GPC6: variants seen among roughly 807,000 people sequenced by gnomAD.
The protein encoded by GPC6 is glypican 6.
In GPC6, 14 loss-of-function variants were observed where a neutral mutation model predicts 55.2. The ratio of observed to expected loss-of-function variants is 0.25; its 90% confidence interval spans 0.17 to 0.40. The LOEUF is 0.40. Among genes scored for constraint, GPC6 ranks in the 10% least tolerant of loss-of-function variants. The pLI is 1.00. For missense variants in GPC6, 641 were observed against 708.5 expected (o/e 0.90, Z 1.08); for synonymous variants, 278 against 259.6 (o/e 1.07, Z -0.68).
chr13:93,395,074 G>A, intron 1 of GPC6: 1 of 263,482 alleles, frequency 3.8e-6, no homozygotes, highest in Non-Finnish European at 7.6e-6. Flanking sequence ...TGTTGTAATT[G>A]CCAAAATCAT....
At chr13:93,432,485 T>G (rs1312924116) in intron 1 of GPC6, among the ~76,000 whole-genome samples, 1 of 151,856 alleles carries the variant, frequency 6.6e-6, no homozygotes, top group Admixed American at 6.6e-5. Flanking sequence ...TGAAGTGGAG[T>G]CTGGTGGTTT....
chr13:93,510,682 G>A (rs866089055), intron 1 of GPC6, among the ~76,000 whole-genome samples: 3 of 151,792 alleles, frequency 2.0e-5, no homozygotes, highest in Admixed American at 6.6e-5. Flanking sequence ...CCAGTAGTGG[G>A]ATTCCTGGAT....
At chr13:93,350,928 C>T (rs1048549846) in intron 1 of GPC6, among the ~76,000 whole-genome samples, 1 of 152,028 alleles carries the variant, frequency 6.6e-6, no homozygotes, top group Non-Finnish European at 1.5e-5. Flanking sequence ...GAGTCACACA[C>T]ACATACACAC....
chr13:94,330,407 G>T (rs771020213), intron 6 of GPC6, among the ~76,000 whole-genome samples: 2 of 152,070 alleles, frequency 1.3e-5, no homozygotes, highest in Non-Finnish European at 2.9e-5. Flanking sequence ...CTGATGCCTG[G>T]GCCTCGTATT....
intron 1 of GPC6, among the ~76,000 whole-genome samples, chr13:93,376,491 G>A (rs922909309): frequency 6.6e-6 from 1 of 152,266 alleles, no homozygotes; most frequent in Admixed American, 6.5e-5. Context: ...TCAGTGGATA[G>A]TATCACAATT....
intron 4 of GPC6, among the ~76,000 whole-genome samples, chr13:94,141,891 G>T (rs1281610853): frequency 6.6e-6 from 1 of 152,122 alleles, no homozygotes; most frequent in Non-Finnish European, 1.5e-5. Flanking sequence ...TCTGGTGCAG[G>T]TTTTAAATTG....
rs1235696269 is a variant in GPC6, at chr13:94,037,831, ACTGT to A, written c.877+9940_877+9943del. The stretch of plus-strand genomic sequence containing the variant: ...AAATTGAGAATCTGATATTGCCAGC[ACTGT>A]CTAATAGAATTTTCTGTGATGATGG... On this transcript the variant is annotated intron_variant, in intron 4 of 8. Transcript: ENST00000377047. Among the ~76,000 whole-genome samples the A allele has an allele frequency of 7.9e-5, 12 of 152,120 alleles. No homozygotes were observed. The South Asian group carries it at 2.3e-3, about 29-fold the overall frequency.
intron 5 of GPC6, among the ~76,000 whole-genome samples, chr13:94,300,785 C>T (rs896734363): frequency 2.6e-5 from 4 of 152,098 alleles, no homozygotes; most frequent in African/African-American, 7.2e-5. Flanking sequence ...AGGGGTAGAG[C>T]GAATGATTTG....
chr13:93,359,286 A>T (rs933604825), intron 1 of GPC6, among the ~76,000 whole-genome samples: 2 of 152,094 alleles, frequency 1.3e-5, no homozygotes, highest in African/African-American at 2.4e-5. Flanking sequence ...GTGTAGAAAA[A>T]AATAATAATA....
chr13:93,536,133 C>T (rs1882053593), intron 1 of GPC6, among the ~76,000 whole-genome samples: 1 of 152,110 alleles, frequency 6.6e-6, no homozygotes, highest in Non-Finnish European at 1.5e-5. Context: ...TGCCAGGCCT[C>T]TGTGATTCTC....
At chr13:93,655,754 T>G (rs1880634872) in intron 2 of GPC6, among the ~76,000 whole-genome samples, 1 of 152,118 alleles carries the variant, frequency 6.6e-6, no homozygotes. Flanking sequence ...TCTAAAAATG[T>G]TACGTTAAAT....
chr13:94,328,231 AC>A (rs1467586644), intron 6 of GPC6, among the ~76,000 whole-genome samples: 1 of 152,230 alleles, frequency 6.6e-6, no homozygotes, highest in Non-Finnish European at 1.5e-5. Context: ...TGTATTTTTA[AC>A]AAGTTCGCCT....
intron 4 of GPC6, among the ~76,000 whole-genome samples, chr13:94,115,529 GAC>G (rs1886405554): frequency 1.3e-5 from 2 of 152,114 alleles, no homozygotes; most frequent in Non-Finnish European, 2.9e-5. Context: ...ACAGAGAACA[GAC>G]TCATTGACCC....
chr13:94,196,054 TC>T (rs1889563216), intron 4 of GPC6, among the ~76,000 whole-genome samples: 1 of 152,140 alleles, frequency 6.6e-6, no homozygotes, highest in African/African-American at 2.4e-5. Context: ...AAAATAGACA[TC>T]CCTCAATGTT....
chr13:93,972,301 T>G (rs1880319853), intron 3 of GPC6, among the ~76,000 whole-genome samples: 1 of 152,206 alleles, frequency 6.6e-6, no homozygotes. Flanking sequence ...TGACTGACAT[T>G]GAGCAATCCT....
chr13:93,930,275 G>GATTTTTTTTTTTTTT (rs1878094707), intron 3 of GPC6, among the ~76,000 whole-genome samples: 1 of 123,826 alleles, frequency 8.1e-6, no homozygotes. Context: ...GAAACGAAAG[G>GATTTTTTTTTTTTTT]TTTTTTTTTT....
chr13:94,218,491 C>T (rs909976474), intron 4 of GPC6, among the ~76,000 whole-genome samples: 1 of 152,208 alleles, frequency 6.6e-6, no homozygotes, highest in East Asian at 1.9e-4. Context: ...CCCAGTGCAC[C>T]CCGTTATTCT....
At chr13:94,043,406 AG>A (rs1883611199) in intron 4 of GPC6, among the ~76,000 whole-genome samples, 1 of 151,920 alleles carries the variant, frequency 6.6e-6, no homozygotes, top group Non-Finnish European at 1.5e-5. Context: ...CTTACAAAAA[AG>A]TTTCAAAAAT....
intron 1 of GPC6, among the ~76,000 whole-genome samples, chr13:93,391,058 A>G (rs1875613121): frequency 6.6e-6 from 1 of 152,148 alleles, no homozygotes; most frequent in African/African-American, 2.4e-5. Context: ...AACTTTTACC[A>G]ACTTTGCTAT....
Sources: allele counts gnomAD v4.1 joint callset (sites outside exome capture counted in the v4.1 genomes callset), GRCh38; gene constraint gnomAD v4.1.1; transcripts MANE v1.5; gene names NCBI Gene and HGNC (gene_info 2026-07-23, HGNC 2026-07-21).